The following GRIK1 variants were observed in gnomAD, a reference collection of about 807,000 sequenced individuals.
GRIK1 encodes the protein glutamate receptor ionotropic, kainate 1.
In GRIK1, 69 loss-of-function variants were observed where a neutral mutation model predicts 105.7. The ratio of observed to expected loss-of-function variants is 0.65; its 90% confidence interval spans 0.54 to 0.80. The LOEUF (loss-of-function observed/expected upper bound fraction) is 0.80, where lower values mean the gene tolerates loss of function less well. GRIK1 is among the 30% of genes least tolerant of loss of function. The pLI, the probability that GRIK1 is intolerant of heterozygous loss-of-function variation, is 0.00. For missense variants in GRIK1, 1,109 were observed against 1,167.3 expected (o/e 0.95, Z 0.73); for synonymous variants, 438 against 431.3 (o/e 1.02, Z -0.19).
chr21:29,711,244 T>G (rs77299625), intron 1 of GRIK1, among the ~76,000 whole-genome samples: 3,641 of 152,274 alleles, frequency 0.024, 144 homozygotes, highest in African/African-American at 0.083. Flanking sequence ...AGGATTATAA[T>G]GCCATATTTT....
At chr21:29,841,238 T>C (rs146348105) in intron 1 of GRIK1, among the ~76,000 whole-genome samples, 1 of 152,330 alleles carries the variant, frequency 6.6e-6, no homozygotes, top group East Asian at 1.9e-4. Context: ...TATGTCTTTA[T>C]TGAATTCAGC....
intron 1 of GRIK1, among the ~76,000 whole-genome samples, chr21:29,932,498 T>G (rs535946080): frequency 6.6e-6 from 1 of 152,212 alleles, no homozygotes; most frequent in East Asian, 1.9e-4. Flanking sequence ...GATTATAAAT[T>G]AAATATTTTT....
At chr21:29,743,023 C>T (rs1047383616) in intron 1 of GRIK1, among the ~76,000 whole-genome samples, 6 of 151,042 alleles carry the variant, frequency 4.0e-5, no homozygotes, top group African/African-American at 1.5e-4. Flanking sequence ...CTGGATGGGG[C>T]TAGTCCCTTC....
chr21:29,745,252 T>C lies in GRIK1; in HGVS notation c.119-51189A>G, dbSNP rs1228931854. Among the ~76,000 whole-genome samples, 4 of 152,266 alleles carry C rather than the reference T, an allele frequency of 2.6e-5. No individual in the cohort carries two copies. The East Asian group carries it at 7.7e-4, about 29-fold the overall frequency. Reference sequence around the variant, plus strand: ...TCCTCAGTCCAACGATCCTCAAGACTTGAATACTGTCAACAACTGCACGAG... The same window carrying C: ...TCCTCAGTCCAACGATCCTCAAGACCTGAATACTGTCAACAACTGCACGAG... On this transcript the variant is annotated intron_variant, in intron 1 of 17. Transcript: ENST00000327783.
chr21:29,581,504 G>T lies in GRIK1; in HGVS notation c.1833C>A (p.Asn611Lys). The change falls in exon 13 of 18, where the codon AAC (asparagine) becomes AAA (lysine). Residue 611 changes from asparagine (N) to lysine (K), a missense_variant. Physicochemically the swap from Asn to Lys is moderately conservative, Grantham distance 94 (BLOSUM62 0). This residue lies in a region of GRIK1 where 264 missense variants were observed against 306.9 expected (regional missense o/e 0.86). Coordinates refer to ENST00000327783, the MANE Select transcript of GRIK1 (RefSeq NM_001330994.2). ...PYEWYNPHPC[N>K]PDSDVVENNF... ...TGTTTTCCACCACGTCTGAGTCAGG[G>T]TTGCATGGGTGGGGGTTATACCACT... 6.2e-7 allele frequency: 1 copy of T among 1,612,408 alleles called. No homozygotes were observed. The highest frequency in any genetic ancestry group is 8.5e-7 in the Non-Finnish European group (1 of 1,178,540).
intron 1 of GRIK1, among the ~76,000 whole-genome samples, chr21:29,900,141 A>G (rs1260595229): frequency 2.0e-5 from 3 of 151,862 alleles, no homozygotes; most frequent in Admixed American, 2.0e-4. Flanking sequence ...AGCACTAAAT[A>G]TGGAAAGGAA....
intron 9 of GRIK1, among the ~76,000 whole-genome samples, chr21:29,595,013 T>C (rs950071635): frequency 6.6e-6 from 1 of 152,166 alleles, no homozygotes; most frequent in African/African-American, 2.4e-5. Flanking sequence ...AATGTGTTTG[T>C]TGGGTCTGAG....
At chr21:29,548,597 A>G (rs1448263899) in intron 16 of GRIK1, among the ~76,000 whole-genome samples, 1 of 152,326 alleles carries the variant, frequency 6.6e-6, no homozygotes, top group South Asian at 2.1e-4. Context: ...TTTTGCTGTT[A>G]AAGGCTGTTC....
intron 1 of GRIK1, among the ~76,000 whole-genome samples, chr21:29,880,483 T>A (rs1004116308): frequency 6.6e-6 from 1 of 152,138 alleles, no homozygotes; most frequent in Non-Finnish European, 1.5e-5. Flanking sequence ...TGTTTTTAGG[T>A]TTGAATTTGC....
In GRIK1 at chr21:29,587,357, C is replaced by T. The variant is rs1260952705; in HGVS notation, c.1793+9G>A. The T allele has an allele frequency of 1.3e-6, 2 of 1,569,962 alleles. No homozygotes were observed. The highest frequency in any genetic ancestry group is 1.4e-5 in the African/African-American group (1 of 74,016). On this transcript the variant is annotated intron_variant, in intron 12 of 17. Coordinates refer to ENST00000327783, the MANE Select transcript of GRIK1 (RefSeq NM_001330994.2). ...CACCTCTTGTGAATTCAGTGATTCT[C>T]AAACTTACCTTGCAATCACAAAGAG... is the stretch of plus-strand genomic sequence containing the variant.
intron 1 of GRIK1, among the ~76,000 whole-genome samples, chr21:29,892,640 C>T (rs867434163): frequency 6.6e-6 from 1 of 152,296 alleles, no homozygotes; most frequent in Non-Finnish European, 1.5e-5. Flanking sequence ...GATGAAGAAA[C>T]GCTATTGGGA....
At chr21:29,854,351 G>A (rs556819060) in intron 1 of GRIK1, among the ~76,000 whole-genome samples, 156 of 152,140 alleles carry the variant, frequency 1.0e-3, no homozygotes, top group Non-Finnish European at 1.7e-3. Flanking sequence ...CCCCCACCAA[G>A]CCCCACCTCC....
At chr21:29,689,603 T>C in intron 3 of GRIK1, 125 bp downstream of exon 3, 1 of 772,530 alleles carries the variant, frequency 1.3e-6, no homozygotes, top group Admixed American at 2.2e-5. Context: ...TTCAGAATAT[T>C]CAGTTAGCTT....
Position 29,555,047 on chromosome 21 carries a change from C to G in GRIK1, c.2607+5G>C, listed in dbSNP as rs781643227. On this transcript the variant is annotated splice_donor_5th_base_variant and intron_variant, in intron 16 of 17. Transcript: ENST00000327783. ...ACTAACCAGTCCTAGAAAGAGATGA[C>G]TCACCTGTTCAATATCATTATTCTT... 6.2e-6 allele frequency: 10 copies of G among 1,605,248 alleles called. No homozygotes were observed. Among genetic ancestry groups the G allele is most frequent in the African/African-American group, 2.7e-5 (2 of 74,782 alleles).
chr21:29,929,906 AGTCAACCTAAGT>A (rs1241700802), intron 1 of GRIK1, among the ~76,000 whole-genome samples: 1 of 152,228 alleles, frequency 6.6e-6, no homozygotes, highest in African/African-American at 2.4e-5. Flanking sequence ...CAAGATGCAG[AGTCAACCTAAGT>A]GTCCATCAGC....
At chr21:29,733,876 G>A (rs76826522) in intron 1 of GRIK1, among the ~76,000 whole-genome samples, 8,983 of 151,948 alleles carry the variant, frequency 0.059, 305 homozygotes, top group African/African-American at 0.068. Flanking sequence ...TTTAGTATAT[G>A]GATATAGTAG....
In GRIK1 at chr21:29,789,690, T is replaced by C. The variant is rs559052458; in HGVS notation, c.119-95627A>G. Among the ~76,000 whole-genome samples the C allele has an allele frequency of 4.6e-5, 7 of 152,354 alleles. No homozygotes were observed. In the South Asian group the frequency reaches 1.5e-3, roughly 32 times the overall value. On this transcript the variant is annotated intron_variant, in intron 1 of 17. Transcript: ENST00000327783. Reference sequence around the variant, plus strand: ...AAGTCCTTTCAAATAAAGTCTCTATTTTCTTAAGTCCAGATTTGTTTTTTA... The same window carrying C: ...AAGTCCTTTCAAATAAAGTCTCTATCTTCTTAAGTCCAGATTTGTTTTTTA...
intron 1 of GRIK1, among the ~76,000 whole-genome samples, chr21:29,751,003 G>T (rs2065186032): frequency 6.6e-6 from 1 of 152,114 alleles, no homozygotes; most frequent in Non-Finnish European, 1.5e-5. Context: ...AGTCAAAGGG[G>T]GTTGTTCGCT....
intron 4 of GRIK1, among the ~76,000 whole-genome samples, chr21:29,661,523 A>G (rs1284397442): frequency 6.6e-6 from 1 of 152,200 alleles, no homozygotes; most frequent in Non-Finnish European, 1.5e-5. Flanking sequence ...CAAGACAAGG[A>G]ATGAGGACGG....
Sources: allele counts gnomAD v4.1 joint callset (sites outside exome capture counted in the v4.1 genomes callset), GRCh38; gene constraint gnomAD v4.1.1; regional missense constraint gnomAD v4.1.1; transcripts MANE v1.5; gene names NCBI Gene and HGNC (gene_info 2026-07-23, HGNC 2026-07-21).